Variants in TOPAZ1 observed in about 807,000 individuals in gnomAD.
TOPAZ1 encodes protein TOPAZ1.
TOPAZ1 carries 66 observed loss-of-function variants against 172.2 expected under a neutral mutation model. The observed-to-expected ratio is 0.38, with a 90% CI of 0.31 to 0.47. TOPAZ1 has a LOEUF of 0.47. Ranked by LOEUF, TOPAZ1 falls within the 20% of genes least tolerant of loss-of-function variation. TOPAZ1 has a pLI of 0.99. For missense variants in TOPAZ1, 1,822 were observed against 1,972.4 expected, an observed-to-expected ratio of 0.92 and a Z score of 1.44; for synonymous variants, 681 against 683.9, an observed-to-expected ratio of 1.00 and a Z score of 0.07.
chr3:44,278,828 A>AT (rs1400389954), intron 8 of TOPAZ1, among the ~76,000 whole-genome samples: 1 of 122,246 alleles, frequency 8.2e-6, no homozygotes, highest in African/African-American at 3.1e-5. Flanking sequence ...TTTTGTCTCT[A>AT]TTTTTTTCAG....
chr3:44,243,663 A>T lies in TOPAZ1; in HGVS notation c.1157A>T (p.His386Leu), dbSNP rs541758259. The stretch of plus-strand genomic sequence containing the variant: ...TTAAATGTTTTGAGAAAAGTAAGCC[A>T]TAATACAGTCTCTTTGATGGATCAT... ...SPLNVLRKVSHNTVSLMDHLL... is the reference protein window; with the variant it reads ...SPLNVLRKVSLNTVSLMDHLL... Residue 386 changes from histidine to leucine, a missense_variant, in exon 2 of 20, where the codon CAT (histidine) becomes CTT (leucine). By Grantham distance (99) the His-to-Leu change is moderately conservative. Coordinates refer to ENST00000309765, the MANE Select transcript of TOPAZ1 (RefSeq NM_001145030.2). 1 of 1,550,376 alleles carries T rather than the reference A, an allele frequency of 6.5e-7. No homozygotes were observed. Among genetic ancestry groups the T allele is most frequent in the Non-Finnish European group, 8.7e-7 (1 of 1,146,982 alleles).
chr3:44,308,959 C>T lies in TOPAZ1; in HGVS notation c.4141-866C>T, dbSNP rs141028759. On this transcript the variant is annotated intron_variant, in intron 15 of 19. Transcript: ENST00000309765. ...AAAACAAGGGTCTGTACACTAAGGCCCATGGTCCAGAACTCACCCAAAGCC... is the reference window on the plus strand; with the variant it reads ...AAAACAAGGGTCTGTACACTAAGGCTCATGGTCCAGAACTCACCCAAAGCC... Among the ~76,000 whole-genome samples, 317 of 152,186 alleles carry T rather than the reference C, an allele frequency of 2.1e-3. 1 individual carries two copies. Among genetic ancestry groups the T allele is most frequent in the African/African-American group, 6.5e-3 (268 of 41,510 alleles).
At chr3:44,256,346 T>A in intron 4 of TOPAZ1, 68 bp downstream of exon 4, 1 of 1,420,192 alleles carries the variant, frequency 7.0e-7, no homozygotes, top group Non-Finnish European at 9.3e-7. Context: ...AAATCCATCT[T>A]AACAGTGCTA....
At chr3:44,283,547 G>A (rs1209493938) in intron 9 of TOPAZ1, among the ~76,000 whole-genome samples, 1 of 152,026 alleles carries the variant, frequency 6.6e-6, no homozygotes, top group African/African-American at 2.4e-5. Context: ...ATAGTTTCTT[G>A]TTTATCTATT....
At chr3:44,275,741 G>A (rs1699946202) in intron 8 of TOPAZ1, among the ~76,000 whole-genome samples, 1 of 151,944 alleles carries the variant, frequency 6.6e-6, no homozygotes, top group African/African-American at 2.4e-5. Flanking sequence ...AAATCATATG[G>A]TAGTTTTACT....
chr3:44,243,830 T>C lies in TOPAZ1; in HGVS notation c.1324T>C (p.Ser442Pro). 6.4e-7 allele frequency: 1 copy of C among 1,551,626 alleles called. No homozygotes were observed. The highest frequency in any genetic ancestry group is 8.7e-7 in the Non-Finnish European group (1 of 1,146,948). The change falls in exon 2 of 20, where the codon TCG (serine) becomes CCG (proline). Residue 442 changes from serine to proline, a missense_variant. By Grantham distance (74) the Ser-to-Pro change is moderately conservative. Transcript: ENST00000309765. ...GCCGTTAGGTTATGAAAGCATGGCA[T>C]CGAAAGAGGATTTTAAATCGATGAA... is the stretch of plus-strand genomic sequence containing the variant. ...SEPLGYESMA[S>P]KEDFKSMKSF...
chr3:44,309,753 G>A, intron 15 of TOPAZ1, 72 bp from the exon 16 acceptor site: 1 of 1,130,558 alleles, frequency 8.8e-7, no homozygotes, highest in Non-Finnish European at 1.2e-6. Context: ...CTTGGCTTGT[G>A]AATAATTATC....
Position 44,243,055 on chromosome 3 carries a change from C to A in TOPAZ1, c.549C>A (p.Leu183=). The A allele has an allele frequency of 6.5e-7, 1 of 1,544,798 alleles. No homozygotes were observed. The highest frequency in any genetic ancestry group is 1.2e-5 in the South Asian group (1 of 81,360). Residue 183 remains leucine, a synonymous_variant, in exon 2 of 20, where the codon CTC becomes CTA. Transcript: ENST00000309765. ...TTAAAAGCTTAGAAAACCCACCTCT[C>A]AAAATAACCGAAAATGAGGCTACAC... The part of the protein sequence containing the change: ...KKLKSLENPP[L]KITENEATQN...
chr3:44,277,416 A>G (rs1167395646), intron 8 of TOPAZ1, among the ~76,000 whole-genome samples: 1 of 152,206 alleles, frequency 6.6e-6, no homozygotes, highest in Non-Finnish European at 1.5e-5. Context: ...TTATTTTTAA[A>G]TATAAAATCA....
chr3:44,270,443 T>C (rs1046309997), intron 7 of TOPAZ1, among the ~76,000 whole-genome samples: 2 of 152,180 alleles, frequency 1.3e-5, no homozygotes, highest in African/African-American at 4.8e-5. Flanking sequence ...ATAACCTTGA[T>C]GGAATATTTT....
chr3:44,284,862 A>C (rs1295940785), intron 9 of TOPAZ1, among the ~76,000 whole-genome samples: 1 of 152,222 alleles, frequency 6.6e-6, no homozygotes, highest in African/African-American at 2.4e-5. Context: ...AAGTAATCAA[A>C]GGGAGTATAA....
downstream of TOPAZ1, among the ~76,000 whole-genome samples, chr3:44,332,954 A>G (rs979594022): frequency 6.7e-6 from 1 of 150,094 alleles, no homozygotes; most frequent in African/African-American, 2.5e-5. Context: ...ATGCGCCACC[A>G]TGCCCAGATA....
rs1157155700 is a variant in TOPAZ1, at chr3:44,243,285, C to G, written c.779C>G (p.Ser260Ter). The G allele has an allele frequency of 6.4e-7, 1 of 1,551,352 alleles. No individual in the cohort carries two copies. The highest frequency in any genetic ancestry group is 8.7e-7 in the Non-Finnish European group (1 of 1,146,890). ...TGTATGCATGTAGCAGAAAATTTCT[C>G]AAAGAAAGAAAACCTTAGGAGTCTT... is the stretch of plus-strand genomic sequence containing the variant. ...GGCMHVAENF[S>*]KKENLRSLAE... Residue 260 changes from serine (S) to a stop codon, truncating the protein, a stop_gained, in exon 2 of 20, where the codon TCA becomes TGA. Transcript: ENST00000309765. LOFTEE classifies it high-confidence loss of function.
At chr3:44,309,230 G>A (rs943039637) in intron 15 of TOPAZ1, among the ~76,000 whole-genome samples, 8 of 151,972 alleles carry the variant, frequency 5.3e-5, no homozygotes, top group South Asian at 4.2e-4. Flanking sequence ...CTTAGTCTAC[G>A]GAATTAAGAA....
chr3:44,305,001 G>A, intron 13 of TOPAZ1, 146 bp from the exon 14 acceptor site: 1 of 568,228 alleles, frequency 1.8e-6, no homozygotes, highest in African/African-American at 1.9e-5. Context: ...GATACTTGTT[G>A]GTAAGCTTAT....
In TOPAZ1 at chr3:44,245,286, G is replaced by T. The variant is rs199908472; in HGVS notation, c.2765+15G>T. 3.8e-5 allele frequency: 58 copies of T among 1,509,450 alleles called. No individual in the cohort carries two copies. The highest frequency in any genetic ancestry group is 1.7e-4 in the Middle Eastern group (1 of 5,752). The allele number at this position is 1,509,450 out of a possible 1,614,324, so 93.5% of individuals were successfully genotyped here. On this transcript the variant is annotated intron_variant, in intron 2 of 19. Coordinates refer to ENST00000309765, the MANE Select transcript of TOPAZ1 (RefSeq NM_001145030.2). Reference sequence around the variant, plus strand: ...GATGACTTAAGGTATGCATGTTCAAGTATTCCTTTTAGTGCAGATTGTTGG... The same window carrying T: ...GATGACTTAAGGTATGCATGTTCAATTATTCCTTTTAGTGCAGATTGTTGG...
intron 5 of TOPAZ1, among the ~76,000 whole-genome samples, chr3:44,264,150 A>G (rs1699804027): frequency 2.0e-5 from 3 of 152,182 alleles, no homozygotes; most frequent in Non-Finnish European, 4.4e-5. Context: ...ATTTTGCTCT[A>G]ATCTTAACCA....
Position 44,244,021 on chromosome 3 carries a change from G to T in TOPAZ1, c.1515G>T (p.Trp505Cys). 1 of 1,552,012 alleles carries T rather than the reference G, an allele frequency of 6.4e-7. No homozygotes were observed. Among genetic ancestry groups the T allele is most frequent in the Non-Finnish European group, 8.7e-7 (1 of 1,147,046 alleles). Residue 505 changes from tryptophan to cysteine, a missense_variant, in exon 2 of 20, where the codon TGG becomes TGT. Trp to Cys is a radical substitution (Grantham distance 215). Around this residue, in one of 2 missense-constraint regions of TOPAZ1, gnomAD observed 1,489 missense variants for 1,490.8 expected, o/e 1.00. Transcript: ENST00000309765. ...PYYSCARISA[W>C]CWKKASLPES... ...ATTCATGTGCTAGAATATCTGCCTGGTGTTGGAAAAAGGCTTCCTTGCCAG... is the reference window on the plus strand; with the variant it reads ...ATTCATGTGCTAGAATATCTGCCTGTTGTTGGAAAAAGGCTTCCTTGCCAG...
At chr3:44,291,011 C>T in intron 12 of TOPAZ1, 125 bp downstream of exon 12, 1 of 577,714 alleles carries the variant, frequency 1.7e-6, no homozygotes, top group East Asian at 3.4e-5. Flanking sequence ...CTGTCATAAA[C>T]CCTTCTCCTG....
Sources: gnomAD v4.1 joint callset for allele counts (sites outside exome capture counted in the v4.1 genomes callset) on GRCh38, gnomAD v4.1.1 for gene constraint, gnomAD v4.1.1 regional missense constraint, MANE v1.5 for transcripts, NCBI Gene and HGNC (gene_info 2026-07-23, HGNC 2026-07-21) for gene names.